The following KMT5B variants were observed in gnomAD, a reference collection of about 807,000 sequenced individuals.
KMT5B encodes the protein histone-lysine N-methyltransferase KMT5B.
A neutral mutation model predicts 83.2 loss-of-function variants in KMT5B; 10 were observed. The observed-to-expected ratio is 0.12, with a 90% CI of 0.07 to 0.20. The LOEUF is 0.20. Ranked by LOEUF, KMT5B falls within the 10% of genes least tolerant of loss-of-function variation. KMT5B has a pLI of 1.00. For missense variants in KMT5B, 753 were observed against 1,067.2 expected (o/e 0.71, Z 4.10); for synonymous variants, 349 against 388.8 (o/e 0.90, Z 1.20).
chr11:68,208,125 T>C (rs1002146112), intron 1 of KMT5B, among the ~76,000 whole-genome samples: 4 of 146,996 alleles, frequency 2.7e-5, no homozygotes, highest in African/African-American at 9.9e-5. Flanking sequence ...GCGTGAGCCA[T>C]CACGCCTGGC....
rs7942436 is a variant in KMT5B, at chr11:68,183,768, T to C, written c.308+2013A>G. ...TCTGTCTCCCGGGTTCACGTGATTC[T>C]CCTGCCTCAGCCTCCTGAGTAGCCA... On this transcript the variant is annotated intron_variant, in intron 3 of 10. Transcript: ENST00000304363. Among the ~76,000 whole-genome samples the C allele has an allele frequency of 6.3e-3, 961 of 151,902 alleles. 11 individuals are homozygous for C. Among genetic ancestry groups the C allele is most frequent in the African/African-American group, 0.022 (911 of 41,380 alleles).
chr11:68,159,794 C>T (rs1387825834), intron 10 of KMT5B, among the ~76,000 whole-genome samples: 4 of 152,194 alleles, frequency 2.6e-5, no homozygotes, highest in African/African-American at 4.8e-5. Context: ...CCTTCAACTC[C>T]GTGAGGAACA....
At chr11:68,197,024 G>A (rs1257765414) in intron 1 of KMT5B, among the ~76,000 whole-genome samples, 1 of 151,444 alleles carries the variant, frequency 6.6e-6, no homozygotes, top group Non-Finnish European at 1.5e-5. Flanking sequence ...AAGTTAGAGT[G>A]CAGTGGCCCA....
intron 1 of KMT5B, among the ~76,000 whole-genome samples, chr11:68,200,319 G>A (rs1859279922): frequency 6.6e-6 from 1 of 152,190 alleles, no homozygotes; most frequent in East Asian, 1.9e-4. Context: ...AGGCATGACA[G>A]GGACCACTCT....
intron 2 of KMT5B, among the ~76,000 whole-genome samples, chr11:68,187,258 A>AACTGT (rs1857525987): frequency 1.3e-5 from 2 of 152,034 alleles, no homozygotes; most frequent in Non-Finnish European, 1.5e-5. Flanking sequence ...TCAGCCTCCC[A>AACTGT]AACTGCTGGG....
chr11:68,172,315 C>T (rs981125997), intron 6 of KMT5B, among the ~76,000 whole-genome samples: 1 of 152,098 alleles, frequency 6.6e-6, no homozygotes. Flanking sequence ...TCACTGCAAC[C>T]TCTGCCTCCT....
chr11:68,159,942 G>A (rs1240810510), intron 10 of KMT5B, among the ~76,000 whole-genome samples: 63 of 152,178 alleles, frequency 4.1e-4, no homozygotes, highest in Non-Finnish European at 5.9e-5. Context: ...TCAGGACAAA[G>A]GGAGATCCAA....
intron 1 of KMT5B, among the ~76,000 whole-genome samples, chr11:68,202,814 T>C (rs1013300570): frequency 2.6e-5 from 4 of 152,082 alleles, no homozygotes; most frequent in African/African-American, 9.7e-5. Flanking sequence ...CCCAAAGTAC[T>C]GGGATTACAG....
In KMT5B at chr11:68,158,600, A is replaced by T; in HGVS notation, c.1746T>A (p.Ala582=). The part of the protein sequence containing the change: ...CPDSGEQLQP[A]PVLQEEELAH... ...CCAGTTCTTCCTCCTGCAGCACAGG[A>T]GCTGGCTGCAGCTGTTCACCACTGT... The change falls in exon 11 of 11, where the codon GCT becomes GCA. Residue 582 remains alanine, a synonymous_variant. Transcript: ENST00000304363. 1 of 1,614,120 alleles carries T rather than the reference A, an allele frequency of 6.2e-7. No homozygotes were observed. The highest frequency in any genetic ancestry group is 8.5e-7 in the Non-Finnish European group (1 of 1,180,024).
chr11:68,209,232 G>A (rs1167983415), intron 1 of KMT5B, among the ~76,000 whole-genome samples: 1 of 152,002 alleles, frequency 6.6e-6, no homozygotes, highest in Admixed American at 6.6e-5. Flanking sequence ...ACAATTCATC[G>A]GGCCGACCTA....
At chr11:68,211,804 T>C (rs1860942744) in intron 1 of KMT5B, among the ~76,000 whole-genome samples, 1 of 152,080 alleles carries the variant, frequency 6.6e-6, no homozygotes, top group Non-Finnish European at 1.5e-5. Flanking sequence ...GAGCCAGAGC[T>C]TGGGAGAGGG....
chr11:68,190,882 C>T (rs1230670732), intron 1 of KMT5B, among the ~76,000 whole-genome samples: 1 of 152,134 alleles, frequency 6.6e-6, no homozygotes, highest in Non-Finnish European at 1.5e-5. Flanking sequence ...ACTTGAGAGG[C>T]TGAGATGGGA....
At chr11:68,192,109 TG>T (rs1296716623) in intron 1 of KMT5B, among the ~76,000 whole-genome samples, 1 of 152,218 alleles carries the variant, frequency 6.6e-6, no homozygotes, top group Non-Finnish European at 1.5e-5. Context: ...TACCTAGGTT[TG>T]TGTAAGTACA....
intron 1 of KMT5B, among the ~76,000 whole-genome samples, chr11:68,197,642 A>G (rs1858883531): frequency 6.6e-6 from 1 of 152,184 alleles, no homozygotes. Flanking sequence ...AATGATCCAA[A>G]CTGGAAAAAA....
intron 3 of KMT5B, among the ~76,000 whole-genome samples, chr11:68,181,575 T>C (rs2153063101): frequency 6.6e-6 from 1 of 152,284 alleles, no homozygotes; most frequent in African/African-American, 2.4e-5. Flanking sequence ...GGTCACTTCT[T>C]TTGCACCCCA....
At chr11:68,179,398 A>G (rs1856700731) in intron 4 of KMT5B, 1 of 1,245,804 alleles carries the variant, frequency 8.0e-7, no homozygotes, top group Non-Finnish European at 1.1e-6. Flanking sequence ...TAAGAAAAAT[A>G]AAAATGTCAT....
At position 68,171,341 on chromosome 11, in the gene KMT5B, T is replaced by A. The variant is rs1855818818; in HGVS notation, c.821-90A>T. On this transcript the variant is annotated intron_variant, in intron 7 of 10. Transcript: ENST00000304363. This position sits in a 1 kb window ranked among gnomAD's most constrained non-coding sequence, Gnocchi z 5.1. ...AGAAATCTGAAATAAGCTTTCCATATAACTTTACAACTTTTGATAGGAGTT... is the reference window on the plus strand; with the variant it reads ...AGAAATCTGAAATAAGCTTTCCATAAAACTTTACAACTTTTGATAGGAGTT... 2.7e-6 allele frequency: 4 copies of A among 1,493,624 alleles called. No individual in the cohort carries two copies. Among genetic ancestry groups the A allele is most frequent in the Middle Eastern group, 1.9e-4 (1 of 5,366 alleles). The allele number at this position is 1,493,624 out of a possible 1,614,324, so 92.5% of individuals were successfully genotyped here. A position where few individuals can be genotyped will look rare whatever the true frequency, so the allele number is the denominator to read the frequency against.
At chr11:68,204,666 G>C (rs956677456) in intron 1 of KMT5B, among the ~76,000 whole-genome samples, 3 of 145,696 alleles carry the variant, frequency 2.1e-5, no homozygotes, top group African/African-American at 7.7e-5. Flanking sequence ...GCCTAGGCTG[G>C]AGGCAGTGGT....
At chr11:68,173,965 G>T in intron 5 of KMT5B, 52 bp from the exon 6 acceptor site, 2 of 1,242,210 alleles carry the variant, frequency 1.6e-6, no homozygotes, top group Non-Finnish European at 2.3e-6. Context: ...TACCCTGCTA[G>T]ACTTTCTTAC....
Sources: allele counts gnomAD v4.1 joint callset (sites outside exome capture counted in the v4.1 genomes callset), GRCh38; gene constraint gnomAD v4.1.1; non-coding constraint Gnocchi (gnomAD v3.1); transcripts MANE v1.5; gene names NCBI Gene and HGNC (gene_info 2026-07-23, HGNC 2026-07-21).